WNT5B: variants seen among roughly 807,000 people sequenced by gnomAD.
WNT5B encodes the protein protein Wnt-5b.
A neutral mutation model predicts 36.5 loss-of-function variants in WNT5B; 18 were observed. The observed-to-expected ratio is 0.49, with a 90% CI of 0.34 to 0.73. WNT5B has a LOEUF of 0.73. Among genes scored for constraint, WNT5B ranks in the 30% least tolerant of loss-of-function variants. The pLI is 0.01. For missense variants in WNT5B, 424 were observed against 508.4 expected (o/e 0.83, Z 1.60); for synonymous variants, 213 against 212.3 (o/e 1.00, Z -0.03).
chr12:1,646,337 T>A lies in WNT5B; in HGVS notation c.*85T>A. On this transcript the variant is annotated 3_prime_UTR_variant, in exon 5 of 5. Transcript: ENST00000397196. ...AATCTATATAAATCTATTTTATATTTGTATAAGTAAATGGGTGGGTGCTAT... is the reference window on the plus strand; with the variant it reads ...AATCTATATAAATCTATTTTATATTAGTATAAGTAAATGGGTGGGTGCTAT... 1 of 1,154,622 alleles carries A rather than the reference T, an allele frequency of 8.7e-7. No individual in the cohort carries two copies. Among genetic ancestry groups the A allele is most frequent in the Non-Finnish European group, 1.1e-6 (1 of 879,966 alleles). 71.5% of individuals were successfully genotyped at this position (1,154,622 alleles called of 1,614,324 possible).
chr12:1,623,848 A>G (rs892264653), intron 1 of WNT5B, among the ~76,000 whole-genome samples: 2 of 152,162 alleles, frequency 1.3e-5, no homozygotes, highest in Non-Finnish European at 2.9e-5. Context: ...TAAAACTATT[A>G]TGTTTTAATT....
chr12:1,619,735 G>C (rs934005964), intron 1 of WNT5B, among the ~76,000 whole-genome samples: 1 of 152,128 alleles, frequency 6.6e-6, no homozygotes, highest in Non-Finnish European at 1.5e-5. Flanking sequence ...TGCTGAGTCG[G>C]CTCCTGGCGT....
upstream of WNT5B, among the ~76,000 whole-genome samples, chr12:1,627,975 G>C (rs1160426335): frequency 6.6e-6 from 1 of 152,154 alleles, no homozygotes; most frequent in Non-Finnish European, 1.5e-5. The surrounding 1 kb of genome is among the most constrained non-coding windows in gnomAD (Gnocchi z 5.0). Context: ...TAGGCACCCA[G>C]GGTGTAATTC....
intron 3 of WNT5B, among the ~76,000 whole-genome samples, chr12:1,639,215 G>A (rs1338058408): frequency 1.3e-5 from 2 of 150,152 alleles, no homozygotes; most frequent in Non-Finnish European, 3.0e-5. Flanking sequence ...TCAGCTCCCT[G>A]CAAGCTCCGC....
At chr12:1,645,134 G>C (rs764679392) in intron 4 of WNT5B, 1 of 148,406 alleles carries the variant, frequency 6.7e-6, no homozygotes, top group Non-Finnish European at 1.5e-5. Context: ...GGCTAACCAC[G>C]GCTATGCCAG....
rs74061309 is a variant in WNT5B, at chr12:1,631,178, T to C, written c.-57-120T>C. 7.5e-3 allele frequency: 6,680 copies of C among 886,074 alleles called. 314 individuals carry two copies. The African/African-American group carries it at 0.097, about 13-fold the overall frequency. 54.9% of individuals were successfully genotyped at this position (886,074 alleles called of 1,614,324 possible). On this transcript the variant is annotated intron_variant, in intron 1 of 4. Coordinates refer to ENST00000397196, the MANE Select transcript of WNT5B (RefSeq NM_032642.3). ...GCGGAGGCTGGAAAGAGGCCGAGCT[T>C]CTTTGTGGGGAACACGCAGCACGTA...
In WNT5B at chr12:1,646,209, G is replaced by A. The variant is rs1326032365; in HGVS notation, c.1037G>A (p.Cys346Tyr). 1 of 1,613,770 alleles carries A rather than the reference G, an allele frequency of 6.2e-7. No homozygotes were observed. Among genetic ancestry groups the A allele is most frequent in the Non-Finnish European group, 8.5e-7 (1 of 1,179,996 alleles). Reference protein sequence around the residue: ...CKFHWCCFVRCKKCTEIVDQY... With the variant: ...CKFHWCCFVRYKKCTEIVDQY... ...TTCCACTGGTGCTGCTTCGTCAGGT[G>A]TAAGAAGTGCACGGAGATCGTGGAC... The change falls in exon 5 of 5, where the codon TGT (cysteine) becomes TAT (tyrosine). Residue 346 changes from cysteine (C) to tyrosine (Y), a missense_variant. Physicochemically the swap from Cys to Tyr is radical, Grantham distance 194. Transcript: ENST00000397196.
At chr12:1,637,532 T>C (rs2094564174) in intron 3 of WNT5B, among the ~76,000 whole-genome samples, 2 of 145,790 alleles carry the variant, frequency 1.4e-5, no homozygotes, top group South Asian at 4.3e-4. Flanking sequence ...GGTCAGGAGT[T>C]CAAGACCAGC....
In WNT5B at chr12:1,631,382, G is replaced by A. The variant is rs146907057; in HGVS notation, c.28G>A (p.Ala10Thr). ...GCCCAGCCTGCTGCTGCTGTTCACG[G>A]CTGCTCTGCTGTCCAGCTGGGCTCA... MPSLLLLFT[A>T]ALLSSWAQLL... is the part of the protein sequence containing the mutation. Residue 10 changes from alanine (A) to threonine (T), a missense_variant, in exon 2 of 5, where the codon GCT becomes ACT. Transcript: ENST00000397196. 2.4e-4 allele frequency: 394 copies of A among 1,614,064 alleles called. No homozygotes were observed. Among genetic ancestry groups the A allele is most frequent in the Non-Finnish European group, 3.2e-4 (375 of 1,180,044 alleles).
At position 1,646,289 on chromosome 12, in the gene WNT5B, C is replaced by T. The variant is rs1452297217; in HGVS notation, c.*37C>T. 3.9e-6 allele frequency: 6 copies of T among 1,533,914 alleles called. No homozygotes were observed. The highest frequency in any genetic ancestry group is 4.4e-6 in the Non-Finnish European group (5 of 1,137,998). ...TGCTCCCGGCCCCCCTGCACTCTGCCTCACAAAGGTCTATATTATATAAAT... is the reference window on the plus strand; with the variant it reads ...TGCTCCCGGCCCCCCTGCACTCTGCTTCACAAAGGTCTATATTATATAAAT... On this transcript the variant is annotated 3_prime_UTR_variant, in exon 5 of 5. Coordinates refer to ENST00000397196, the MANE Select transcript of WNT5B (RefSeq NM_032642.3).
intron 3 of WNT5B, among the ~76,000 whole-genome samples, chr12:1,637,303 ATG>A (rs750235982): frequency 1.3e-5 from 2 of 152,146 alleles, no homozygotes; most frequent in Non-Finnish European, 2.9e-5. Context: ...GTGTGGACAT[ATG>A]TTTTCCTTTC....
At chr12:1,635,039 GC>G (rs1339970590) in intron 3 of WNT5B, among the ~76,000 whole-genome samples, 2 of 152,144 alleles carry the variant, frequency 1.3e-5, no homozygotes, top group African/African-American at 2.4e-5. Context: ...CCATTCTGAA[GC>G]CCCGAATTAT....
At chr12:1,638,367 A>G (rs112241255) in intron 3 of WNT5B, among the ~76,000 whole-genome samples, 13 of 152,282 alleles carry the variant, frequency 8.5e-5, no homozygotes, top group African/African-American at 2.9e-4. Flanking sequence ...TCATATGGGA[A>G]CTCTACGTTT....
In WNT5B at chr12:1,618,180, C is replaced by CA. The variant is rs1178032826; in HGVS notation, c.-58+1037_-58+1038insA. Among the ~76,000 whole-genome samples the CA allele has an allele frequency of 3.9e-5, 6 of 152,158 alleles. No homozygotes were observed. Among genetic ancestry groups the CA allele is most frequent in the Non-Finnish European group, 1.5e-5 (1 of 68,038 alleles). The stretch of plus-strand genomic sequence containing the variant: ...AGCTAGCTGACTGCCAGTTGGTGAT[C>CA]CTGGTTTTAAAAGTTGCATGGTTTC... On this transcript the variant is annotated intron_variant, in intron 1 of 4. Transcript: ENST00000310594. The surrounding 1 kb of genome is among the most constrained non-coding windows in gnomAD (Gnocchi z 4.1).
At chr12:1,628,415 C>G (rs931982150), upstream of WNT5B, among the ~76,000 whole-genome samples, 43 of 152,154 alleles carry the variant, frequency 2.8e-4, no homozygotes, top group Non-Finnish European at 1.5e-4. Flanking sequence ...ACCTTGGCCC[C>G]CCGAAGAGCC....
At chr12:1,623,494 C>G (rs1458491542) in intron 1 of WNT5B, among the ~76,000 whole-genome samples, 1 of 152,140 alleles carries the variant, frequency 6.6e-6, no homozygotes. Flanking sequence ...CGCGCCCGGC[C>G]TCTTTGAAGG....
In WNT5B at chr12:1,630,149, C is replaced by T. The variant is rs2094547573; in HGVS notation, c.-58+778C>T. 2 of 985,468 alleles carry T rather than the reference C, an allele frequency of 2.0e-6. No individual in the cohort carries two copies. The highest frequency in any genetic ancestry group is 1.7e-5 in the African/African-American group (1 of 57,228). 61.0% of individuals were successfully genotyped at this position (985,468 alleles called of 1,614,324 possible). A position where few individuals can be genotyped will look rare whatever the true frequency, so the allele number is the denominator to read the frequency against. On this transcript the variant is annotated intron_variant, in intron 1 of 4. Coordinates refer to ENST00000397196, the MANE Select transcript of WNT5B (RefSeq NM_032642.3). The surrounding 1 kb of genome is among the most constrained non-coding windows in gnomAD (Gnocchi z 5.3). ...GCTGATGACCCGAAGCACCCGCCGC[C>T]CCCTCCCGGGGAGCCTGGGGACGCC...
intron 3 of WNT5B, 47 bp from the exon 4 acceptor site, chr12:1,639,637 C>T (rs773684433): frequency 6.9e-7 from 1 of 1,447,172 alleles, no homozygotes; most frequent in Non-Finnish European, 9.0e-7. Flanking sequence ...GACAGGTCCC[C>T]GGGAGAGGAG....
chr12:1,627,256 G>A (rs538996519), upstream of WNT5B, among the ~76,000 whole-genome samples: 2 of 152,348 alleles, frequency 1.3e-5, no homozygotes, highest in South Asian at 2.1e-4. This position sits in a 1 kb window ranked among gnomAD's most constrained non-coding sequence, Gnocchi z 5.0. Context: ...TAGGCTCGTG[G>A]CTATTTCTGG....
Sources: allele counts gnomAD v4.1 joint callset (sites outside exome capture counted in the v4.1 genomes callset), GRCh38; gene constraint gnomAD v4.1.1; non-coding constraint Gnocchi (gnomAD v3.1); transcripts MANE v1.5; gene names NCBI Gene and HGNC (gene_info 2026-07-23, HGNC 2026-07-21).